Variants in TOP2B observed in about 807,000 individuals in gnomAD.
The protein encoded by TOP2B is DNA topoisomerase II beta, also known as DNA topoisomerase 2-beta.
In TOP2B, 51 loss-of-function variants were observed where a neutral mutation model predicts 193.5. The ratio of observed to expected loss-of-function variants is 0.26; its 90% confidence interval spans 0.21 to 0.33. TOP2B has a LOEUF of 0.33. Ranked by LOEUF, TOP2B falls within the 10% of genes least tolerant of loss-of-function variation. The pLI is 1.00. For missense variants in TOP2B, 1,378 were observed against 1,909.3 expected (o/e 0.72, Z 5.19); for synonymous variants, 634 against 635.7 (o/e 1.00, Z 0.04).
Position 25,607,334 on chromosome 3 carries a change from C to A in TOP2B, c.4135G>T (p.Asp1379Tyr). 2 of 1,552,044 alleles carry A rather than the reference C, an allele frequency of 1.3e-6. No individual in the cohort carries two copies. The highest frequency in any genetic ancestry group is 1.7e-6 in the Non-Finnish European group (2 of 1,147,060). ...TCATCATCATCATCAGCATCATCAT[C>A]CTCTTCTTCTGAGAAATCAAATGTG... ...KYTFDFSEEE[D>Y]DDADDDDDDN... The change falls in exon 31 of 36, where the codon GAT (aspartate) becomes TAT (tyrosine). Residue 1379 changes from aspartate to tyrosine, a missense_variant. Physicochemically the swap from Asp to Tyr is radical, Grantham distance 160. Around this residue, in one of 9 missense-constraint regions of TOP2B, gnomAD observed 556 missense variants for 584.2 expected, o/e 0.95. Coordinates refer to ENST00000264331, the MANE Select transcript of TOP2B (RefSeq NM_001330700.2).
intron 4 of TOP2B, among the ~76,000 whole-genome samples, chr3:25,641,376 T>C (rs999228777): frequency 2.0e-5 from 3 of 152,200 alleles, no homozygotes; most frequent in Non-Finnish European, 4.4e-5. Flanking sequence ...GGTTTTTAAC[T>C]GACAATTGCC....
chr3:25,612,549 G>A lies in TOP2B; in HGVS notation c.3752C>T (p.Ala1251Val). The A allele has an allele frequency of 6.2e-7, 1 of 1,611,238 alleles. No individual in the cohort carries two copies. Among genetic ancestry groups the A allele is most frequent in the South Asian group, 1.1e-5 (1 of 90,716 alleles). Residue 1251 changes from alanine (A) to valine (V), a missense_variant, in exon 28 of 36, where the codon GCA (alanine) becomes GTA (valine). By Grantham distance (64) the Ala-to-Val change is moderately conservative. Coordinates refer to ENST00000264331, the MANE Select transcript of TOP2B (RefSeq NM_001330700.2). ...CTTCAGCAACTTTTTGCTGGCATCT[G>A]CCTTCATAGCTGTAATTTCAGGAAT... ...RIIPEITAMK[A>V]DASKKLLKKK...
At chr3:25,636,927 GTA>G (rs1703121319) in intron 6 of TOP2B, among the ~76,000 whole-genome samples, 1 of 151,996 alleles carries the variant, frequency 6.6e-6, no homozygotes, top group Admixed American at 6.6e-5. Context: ...GTGGTTGCAT[GTA>G]CATGAGTCTG....
At chr3:25,661,159 C>G (rs113876363) in intron 1 of TOP2B, among the ~76,000 whole-genome samples, 21,330 of 152,024 alleles carry the variant, frequency 0.14, 1,783 homozygotes, top group African/African-American at 0.24. Flanking sequence ...CGCCACCACC[C>G]CAGCTAATTT....
intron 33 of TOP2B, among the ~76,000 whole-genome samples, 195 bp downstream of exon 33, chr3:25,604,565 C>G (rs1037441414): frequency 1.3e-5 from 2 of 152,166 alleles, no homozygotes; most frequent in African/African-American, 4.8e-5. Flanking sequence ...ATTACAACAG[C>G]TTTAAAATTA....
chr3:25,638,845 A>T (rs1254343611), intron 4 of TOP2B, among the ~76,000 whole-genome samples: 4 of 152,148 alleles, frequency 2.6e-5, no homozygotes, highest in Non-Finnish European at 4.4e-5. Flanking sequence ...TATTTCTGTA[A>T]TCTCTAAACA....
Position 25,615,134 on chromosome 3 carries a change from A to T in TOP2B, c.3591+71T>A. ...CAGAGTTAAAGAAAACTTTAAGATC[A>T]CTTAAAAGAATTTCATTCTTGTTCA... On this transcript the variant is annotated intron_variant, in intron 27 of 35. Coordinates refer to ENST00000264331, the MANE Select transcript of TOP2B (RefSeq NM_001330700.2). The T allele has an allele frequency of 2.2e-6, 3 of 1,360,162 alleles. No homozygotes were observed. The Admixed American group carries it at 6.3e-5, about 28-fold the overall frequency. The allele number at this position is 1,360,162 out of a possible 1,614,324, so 84.3% of individuals were successfully genotyped here.
chr3:25,598,973 G>A (rs988179446), intron 35 of TOP2B, among the ~76,000 whole-genome samples: 1 of 152,070 alleles, frequency 6.6e-6, no homozygotes, highest in South Asian at 2.1e-4. Flanking sequence ...AAAAAGGGAT[G>A]CGGGGGAGCT....
intron 25 of TOP2B, 112 bp from the exon 26 acceptor site, chr3:25,615,698 A>G: frequency 1.1e-6 from 1 of 916,332 alleles, no homozygotes; most frequent in Non-Finnish European, 1.5e-6. Context: ...TAAATGCTAC[A>G]TCTTCAGGAT....
At chr3:25,631,650 T>G (rs1400214922) in intron 10 of TOP2B, among the ~76,000 whole-genome samples, 1 of 152,036 alleles carries the variant, frequency 6.6e-6, no homozygotes, top group African/African-American at 2.4e-5. Flanking sequence ...AAATTTAAAC[T>G]TAGTGCACCT....
intron 27 of TOP2B, among the ~76,000 whole-genome samples, chr3:25,614,472 C>T (rs1366604727): frequency 6.6e-6 from 1 of 151,988 alleles, no homozygotes; most frequent in South Asian, 2.1e-4. Context: ...CTTGAAAGAT[C>T]GTTGAGGGAG....
chr3:25,609,091 T>C (rs1358157845), intron 30 of TOP2B, 92 bp downstream of exon 30: 1 of 1,070,674 alleles, frequency 9.3e-7, no homozygotes, highest in Non-Finnish European at 1.2e-6. Flanking sequence ...GAAATACTAA[T>C]GGCTTAGTAC....
intron 1 of TOP2B, 87 bp downstream of exon 1, chr3:25,664,142 C>T (rs1298232202): frequency 1.5e-5 from 23 of 1,517,052 alleles, no homozygotes; most frequent in Non-Finnish European, 2.0e-5. Context: ...ATTTCCCTCC[C>T]TTTCCCCTCC....
At chr3:25,650,395 A>G (rs1324539449) in intron 1 of TOP2B, among the ~76,000 whole-genome samples, 6 of 152,152 alleles carry the variant, frequency 3.9e-5, no homozygotes, top group African/African-American at 1.4e-4. Flanking sequence ...GACCACTTCC[A>G]CCTCTTAGTA....
chr3:25,628,079 C>G (rs533671778), intron 15 of TOP2B, among the ~76,000 whole-genome samples: 8 of 125,062 alleles, frequency 6.4e-5, no homozygotes, highest in Non-Finnish European at 1.2e-4. Flanking sequence ...TAAAAAAAAA[C>G]GAAATAAAAA....
intron 15 of TOP2B, among the ~76,000 whole-genome samples, chr3:25,628,105 C>T (rs1208213816): frequency 6.8e-6 from 1 of 146,816 alleles, no homozygotes; most frequent in Non-Finnish European, 1.5e-5. Context: ...ATAAAAAACT[C>T]TAAAAATAAA....
intron 1 of TOP2B, among the ~76,000 whole-genome samples, chr3:25,661,278 C>T (rs1390887660): frequency 6.6e-6 from 1 of 152,134 alleles, no homozygotes; most frequent in Non-Finnish European, 1.5e-5. Flanking sequence ...GGATTACAGG[C>T]GTGAGCCACC....
At chr3:25,659,087 C>A (rs959160588) in intron 1 of TOP2B, among the ~76,000 whole-genome samples, 2 of 152,144 alleles carry the variant, frequency 1.3e-5, no homozygotes, top group Admixed American at 1.3e-4. Context: ...CAACGAGCCC[C>A]TTCTTTTACC....
At chr3:25,600,399 T>A (rs1459381087) in intron 34 of TOP2B, among the ~76,000 whole-genome samples, 1 of 152,224 alleles carries the variant, frequency 6.6e-6, no homozygotes. Context: ...AGGCTTTCAA[T>A]CCTGCATATC....
Sources: gnomAD v4.1 joint callset for allele counts (sites outside exome capture counted in the v4.1 genomes callset) on GRCh38, gnomAD v4.1.1 for gene constraint, gnomAD v4.1.1 regional missense constraint, MANE v1.5 for transcripts, NCBI Gene and HGNC (gene_info 2026-07-23, HGNC 2026-07-21) for gene names.